RB1: variants seen among roughly 807,000 people sequenced by gnomAD.
RB1 encodes the protein RB transcriptional corepressor 1.
Under a neutral mutation model 135.4 loss-of-function variants are expected in RB1, and 18 were observed. The ratio of observed to expected loss-of-function variants is 0.13; its 90% confidence interval spans 0.09 to 0.20. The LOEUF is 0.20. Among genes scored for constraint, RB1 ranks in the 10% least tolerant of loss-of-function variants. RB1 has a pLI of 1.00. For missense variants in RB1, 868 were observed against 1,110.0 expected (o/e 0.78, Z 3.10); for synonymous variants, 365 against 373.2 (o/e 0.98, Z 0.25).
At chr13:48,315,706 A>G (rs1292409690) in intron 2 of RB1, among the ~76,000 whole-genome samples, 1 of 152,150 alleles carries the variant, frequency 6.6e-6, no homozygotes, top group Non-Finnish European at 1.5e-5. Context: ...TTCAATGCCT[A>G]GTTTGTTGAG....
chr13:48,409,863 A>T (rs1313234285), intron 17 of RB1, among the ~76,000 whole-genome samples: 1 of 151,986 alleles, frequency 6.6e-6, no homozygotes, highest in Non-Finnish European at 1.5e-5. Flanking sequence ...ACAGGTGTGA[A>T]CCACCGTGCC....
intron 17 of RB1, among the ~76,000 whole-genome samples, chr13:48,435,778 A>G (rs148276624): frequency 4.9e-4 from 75 of 152,210 alleles, no homozygotes; most frequent in African/African-American, 1.8e-3. Flanking sequence ...GGCACCATGG[A>G]TGTTCAGTTG....
At chr13:48,429,743 CAAAT>C (rs1469104313) in intron 17 of RB1, among the ~76,000 whole-genome samples, 1 of 152,078 alleles carries the variant, frequency 6.6e-6, no homozygotes, top group Admixed American at 6.6e-5. Flanking sequence ...GCCAATCTCT[CAAAT>C]AAGACAATTT....
chr13:48,366,079 C>CT (rs1239959643), intron 9 of RB1, among the ~76,000 whole-genome samples: 17 of 152,192 alleles, frequency 1.1e-4, no homozygotes, highest in Admixed American at 5.2e-4. Flanking sequence ...TCAGTGAACT[C>CT]TAAGTAATTC....
intron 13 of RB1, among the ~76,000 whole-genome samples, chr13:48,379,045 T>G (rs1948508095): frequency 6.6e-6 from 1 of 152,226 alleles, no homozygotes; most frequent in South Asian, 2.1e-4. Flanking sequence ...GATTTTTGCC[T>G]GTGTCAGTTT....
intron 2 of RB1, chr13:48,328,212 A>G: frequency 8.2e-6 from 12 of 1,459,734 alleles, no homozygotes; most frequent in South Asian, 8.0e-5. Context: ...ATCCCTTGCA[A>G]TATTCTTCAT....
chr13:48,331,174 T>G (rs1331068619), intron 2 of RB1, among the ~76,000 whole-genome samples: 1 of 152,220 alleles, frequency 6.6e-6, no homozygotes, highest in Non-Finnish European at 1.5e-5. Context: ...ACAGCTAGCA[T>G]TATACTCAGT....
At chr13:48,424,669 A>G (rs1432165719) in intron 17 of RB1, among the ~76,000 whole-genome samples, 3 of 152,014 alleles carry the variant, frequency 2.0e-5, no homozygotes, top group South Asian at 4.1e-4. Context: ...CGTCTTTTCT[A>G]TGGAGTCTCC....
intron 17 of RB1, among the ~76,000 whole-genome samples, chr13:48,432,411 C>T (rs1333922744): frequency 1.3e-5 from 2 of 150,462 alleles, no homozygotes; most frequent in East Asian, 2.0e-4. Context: ...AATAGGAATG[C>T]ATGTTTTGTT....
chr13:48,433,981 C>G (rs1566225268), intron 17 of RB1, among the ~76,000 whole-genome samples: 2 of 151,840 alleles, frequency 1.3e-5, no homozygotes, highest in Non-Finnish European at 1.5e-5. Flanking sequence ...GCCTTAGCCT[C>G]CCAAAGTGCT....
intron 17 of RB1, among the ~76,000 whole-genome samples, chr13:48,398,842 A>G (rs1051872635): frequency 1.3e-5 from 2 of 152,074 alleles, no homozygotes; most frequent in Non-Finnish European, 2.9e-5. Flanking sequence ...ATGTATGTGT[A>G]TTTTTTATCC....
chr13:48,392,431 C>A (rs147269089), intron 17 of RB1, among the ~76,000 whole-genome samples: 1 of 152,146 alleles, frequency 6.6e-6, no homozygotes, highest in African/African-American at 2.4e-5. Context: ...TTTGCTGTAT[C>A]TTTTTCCTGC....
At chr13:48,441,423 A>G (rs1949235674) in intron 17 of RB1, among the ~76,000 whole-genome samples, 1 of 152,244 alleles carries the variant, frequency 6.6e-6, no homozygotes, top group African/African-American at 2.4e-5. Context: ...AAACATATAG[A>G]AGTAGTAACA....
At chr13:48,472,975 A>C (rs1046798499) in intron 23 of RB1, among the ~76,000 whole-genome samples, 1 of 152,158 alleles carries the variant, frequency 6.6e-6, no homozygotes, top group Non-Finnish European at 1.5e-5. Context: ...ATTATTACTT[A>C]ATATTCTAAG....
At chr13:48,329,085 A>G (rs1170745895) in intron 2 of RB1, among the ~76,000 whole-genome samples, 2 of 152,180 alleles carry the variant, frequency 1.3e-5, no homozygotes, top group African/African-American at 4.8e-5. Flanking sequence ...ATTCAACTAT[A>G]AACATTTAAT....
At chr13:48,454,744 G>A (rs569729188) in intron 18 of RB1, among the ~76,000 whole-genome samples, 112 of 152,288 alleles carry the variant, frequency 7.4e-4, no homozygotes, top group African/African-American at 2.6e-3. Flanking sequence ...ACACCTGAAG[G>A]GCAAGCTGAT....
chr13:48,448,060 A>G (rs981939117), intron 17 of RB1, among the ~76,000 whole-genome samples: 2 of 152,156 alleles, frequency 1.3e-5, no homozygotes, highest in Admixed American at 1.3e-4. Context: ...TTGAAAGAAA[A>G]ATTGGTAGTA....
At chr13:48,342,762 A>C (rs1952458473) in intron 3 of RB1, 48 bp downstream of exon 3, 2 of 1,294,804 alleles carry the variant, frequency 1.5e-6, no homozygotes, top group Non-Finnish European at 2.2e-6. Flanking sequence ...AAGGAAACGA[A>C]TTCTGGATTT....
At chr13:48,335,036 T>C (rs771434208) in intron 2 of RB1, among the ~76,000 whole-genome samples, 7 of 152,132 alleles carry the variant, frequency 4.6e-5, no homozygotes, top group Non-Finnish European at 7.4e-5. Flanking sequence ...ATAAGGAAAA[T>C]GAAAACTGTT....
Sources: allele counts gnomAD v4.1 joint callset (sites outside exome capture counted in the v4.1 genomes callset), GRCh38; gene constraint gnomAD v4.1.1; transcripts MANE v1.5; gene names NCBI Gene and HGNC (gene_info 2026-07-23, HGNC 2026-07-21).